MMP9: variants seen among roughly 807,000 people sequenced by gnomAD.
The protein encoded by MMP9 is matrix metalloproteinase-9.
MMP9 carries 73 observed loss-of-function variants against 76.4 expected under a neutral mutation model. The ratio of observed to expected loss-of-function variants is 0.96; its 90% CI spans 0.79 to 1.16. MMP9 has a LOEUF of 1.16. MMP9 is among the 50% of genes most tolerant of loss of function. MMP9 has a pLI of 0.00. For missense variants in MMP9, 943 were observed against 973.0 expected, an observed-to-expected ratio of 0.97 and a Z score of 0.41; for synonymous variants, 412 against 408.4, an observed-to-expected ratio of 1.01 and a Z score of -0.11.
At chr20:46,009,147 G>A in intron 1 of MMP9, 83 bp downstream of exon 1, 5 of 1,466,736 alleles carry the variant, frequency 3.4e-6, no homozygotes, top group Non-Finnish European at 4.7e-6. Flanking sequence ...GGCCTCAGAG[G>A]AGATGCTTTA....
At position 46,011,022 on chromosome 20, in the gene MMP9, C is replaced by T. The variant is rs763513559; in HGVS notation, c.621C>T (p.Asp207=). 2 of 1,610,396 alleles carry T rather than the reference C, an allele frequency of 1.2e-6. No individual in the cohort carries two copies. The highest frequency in any genetic ancestry group is 1.7e-5 in the Admixed American group (1 of 59,858). ...AGGGAGACGCCCATTTCGACGATGA[C>T]GAGTTGTGGTCCCTGGGCAAGGGCG... ...GIQGDAHFDD[D]ELWSLGKGVV... is the part of the protein sequence containing the mutation. The change falls in exon 4 of 13, where the codon GAC becomes GAT. Residue 207 remains aspartate, a synonymous_variant. Coordinates refer to ENST00000372330, the MANE Select transcript of MMP9 (RefSeq NM_004994.3).
In MMP9 at chr20:46,009,950, C is replaced by T; in HGVS notation, c.223C>T (p.Gln75Ter). 1 of 1,552,132 alleles carries T rather than the reference C, an allele frequency of 6.4e-7. No homozygotes were observed. Among genetic ancestry groups the T allele is most frequent in the South Asian group, 1.2e-5 (1 of 84,096 alleles). Residue 75 changes from glutamine to a stop codon, truncating the protein, a stop_gained, in exon 2 of 13, where the codon CAG (glutamine) becomes TAG (stop). Transcript: ENST00000372330. LOFTEE classifies it high-confidence loss of function. ...KSLGPALLLLQKQLSLPETGE... is the reference protein window; with the variant it reads ...KSLGPALLLL Reference sequence around the variant, plus strand: ...TCTGGGGCCTGCGCTGCTGCTTCTCCAGAAGCAACTGTCCCTGCCCGAGAC... The same window carrying T: ...TCTGGGGCCTGCGCTGCTGCTTCTCTAGAAGCAACTGTCCCTGCCCGAGAC...
At chr20:46,014,517 C>T (rs1217134247) in intron 12 of MMP9, 43 bp downstream of exon 12, 5 of 1,498,576 alleles carry the variant, frequency 3.3e-6, no homozygotes, top group Non-Finnish European at 4.5e-6. Context: ...CCACACTAAG[C>T]TCCTCTTAGT....
In MMP9 at chr20:46,016,244, C is replaced by T. The variant is rs1275857520; in HGVS notation, c.2006-6C>T. On this transcript the variant is annotated splice_region_variant and splice_polypyrimidine_tract_variant and intron_variant, in intron 12 of 12. Transcript: ENST00000372330. ...CACTCCTCTTATGCCTGCCTGTCTC[C>T]TGCAGAGAAAGCCTATTTCTGCCAG... 1 of 1,612,950 alleles carries T rather than the reference C, an allele frequency of 6.2e-7. No individual in the cohort carries two copies. The highest frequency in any genetic ancestry group is 8.5e-7 in the Non-Finnish European group (1 of 1,178,878).
Position 46,009,909 on chromosome 20 carries a change from G to C in MMP9, c.182G>C (p.Arg61Pro), listed in dbSNP as rs201069991. 2.6e-6 allele frequency: 4 copies of C among 1,552,170 alleles called. No homozygotes were observed. The Admixed American group carries it at 7.8e-5, about 30-fold the overall frequency. Residue 61 changes from arginine to proline, a missense_variant, in exon 2 of 13, where the codon CGT (arginine) becomes CCT (proline). Physicochemically the swap from Arg to Pro is moderately radical, Grantham distance 103. Coordinates refer to ENST00000372330, the MANE Select transcript of MMP9 (RefSeq NM_004994.3). ...RYGYTRVAEM[R>P]GESKSLGPAL... The stretch of plus-strand genomic sequence containing the variant: ...GGTTACACTCGGGTGGCAGAGATGC[G>C]TGGAGAGTCGAAATCTCTGGGGCCT...
chr20:46,008,965 G>T lies in MMP9; in HGVS notation c.39G>T (p.Val13=), dbSNP rs200142137. 10 of 1,613,878 alleles carry T rather than the reference G, an allele frequency of 6.2e-6. No individual in the cohort carries two copies. The highest frequency in any genetic ancestry group is 6.8e-6 in the Non-Finnish European group (8 of 1,179,980). ...AGCCCCTGGTCCTGGTGCTCCTGGT[G>T]CTGGGCTGCTGCTTTGCTGCCCCCA... is the stretch of plus-strand genomic sequence containing the variant. ...LWQPLVLVLL[V]LGCCFAAPRQ... The change falls in exon 1 of 13, where the codon GTG becomes GTT. Residue 13 remains valine, a synonymous_variant. Coordinates refer to ENST00000372330, the MANE Select transcript of MMP9 (RefSeq NM_004994.3).
intron 7 of MMP9, 49 bp downstream of exon 7, chr20:46,012,362 T>C (rs1173898580): frequency 6.2e-7 from 1 of 1,612,646 alleles, no homozygotes; most frequent in Non-Finnish European, 8.5e-7. Flanking sequence ...GCAGTGGTGG[T>C]GGTGGGGTGG....
Position 46,012,185 on chromosome 20 carries a change from T to A in MMP9, c.1046T>A (p.Phe349Tyr). The A allele has an allele frequency of 1.2e-6, 2 of 1,614,092 alleles. No individual in the cohort carries two copies. Among genetic ancestry groups the A allele is most frequent in the Non-Finnish European group, 1.7e-6 (2 of 1,180,034 alleles). The part of the protein sequence containing the change: ...GGNSAGELCV[F>Y]PFTFLGKEYS... ...AACTCGGCGGGGGAGCTGTGCGTCTTCCCCTTCACTTTCCTGGGTAAGGAG... is the reference window on the plus strand; with the variant it reads ...AACTCGGCGGGGGAGCTGTGCGTCTACCCCTTCACTTTCCTGGGTAAGGAG... Residue 349 changes from phenylalanine to tyrosine, a missense_variant, in exon 7 of 13, where the codon TTC becomes TAC. By Grantham distance (22) the Phe-to-Tyr change is conservative. Coordinates refer to ENST00000372330, the MANE Select transcript of MMP9 (RefSeq NM_004994.3).
At position 46,013,791 on chromosome 20, in the gene MMP9, T is replaced by TCTC. The variant is rs758597128; in HGVS notation, c.1746_1748dup (p.Ser583dup). ...CGGCTCTCCAAGAAGCTTTTCTTCT[T>TCTC]CTCTGGTTAGTTACCTACTTTCCCT... On this transcript the variant is annotated inframe_insertion, in exon 10 of 13. Coordinates refer to ENST00000372330, the MANE Select transcript of MMP9 (RefSeq NM_004994.3). The surrounding 1 kb of genome is among the most constrained non-coding windows in gnomAD (Gnocchi z 4.5). 1 of 1,612,722 alleles carries TCTC rather than the reference T, an allele frequency of 6.2e-7. No individual in the cohort carries two copies. Among genetic ancestry groups the TCTC allele is most frequent in the East Asian group, 2.2e-5 (1 of 44,852 alleles).
chr20:46,011,824 C>A, intron 6 of MMP9, 77 bp downstream of exon 6: 1 of 1,512,004 alleles, frequency 6.6e-7, no homozygotes, highest in Non-Finnish European at 8.9e-7. Context: ...CTCTTCCCTC[C>A]CATCAGTTTG....
intron 8 of MMP9, among the ~76,000 whole-genome samples, chr20:46,012,863 G>A (rs1044497459): frequency 2.6e-5 from 4 of 152,232 alleles, no homozygotes; most frequent in African/African-American, 9.6e-5. Flanking sequence ...GAGACCCAAG[G>A]CGGGAGGATT....
At position 46,014,423 on chromosome 20, in the gene MMP9, C is replaced by T. The variant is rs199533749; in HGVS notation, c.1954C>T (p.Arg652Trp). 30 of 1,550,366 alleles carry T rather than the reference C, an allele frequency of 1.9e-5. No homozygotes were observed. The highest frequency in any genetic ancestry group is 2.5e-5 in the Non-Finnish European group (29 of 1,146,976). Residue 652 changes from arginine to tryptophan, a missense_variant, in exon 12 of 13, where the codon CGG becomes TGG. Coordinates refer to ENST00000372330, the MANE Select transcript of MMP9 (RefSeq NM_004994.3). Reference sequence around the variant, plus strand: ...TCCCCGGAGCGCCAGCGAGGTGGACCGGATGTTCCCCGGGGTGCCTTTGGA... The same window carrying T: ...TCCCCGGAGCGCCAGCGAGGTGGACTGGATGTTCCCCGGGGTGCCTTTGGA... ...VDPRSASEVDRMFPGVPLDTH... is the reference protein window; with the variant it reads ...VDPRSASEVDWMFPGVPLDTH...
intron 12 of MMP9, 133 bp from the exon 13 acceptor site, chr20:46,016,117 G>T: frequency 2.3e-6 from 2 of 870,034 alleles, no homozygotes; most frequent in Admixed American, 1.8e-5. Flanking sequence ...AGGTTGGGGG[G>T]ATGGAGGTGA....
intron 6 of MMP9, 130 bp downstream of exon 6, chr20:46,011,877 C>G: frequency 8.6e-7 from 1 of 1,160,232 alleles, no homozygotes; most frequent in Non-Finnish European, 1.2e-6. Flanking sequence ...GTGACTCCGC[C>G]CACCTACACC....
Position 46,011,300 on chromosome 20 carries a change from C to T in MMP9, c.807C>T (p.Gly269=). 1 of 1,606,076 alleles carries T rather than the reference C, an allele frequency of 6.2e-7. No individual in the cohort carries two copies. Among genetic ancestry groups the T allele is most frequent in the East Asian group, 2.2e-5 (1 of 44,750 alleles). Residue 269 remains glycine, a synonymous_variant, in exon 5 of 13, where the codon GGC becomes GGT. Coordinates refer to ENST00000372330, the MANE Select transcript of MMP9 (RefSeq NM_004994.3). The part of the protein sequence containing the change: ...TANYDTDDRF[G]FCPSERLYTQ... ...ACTACGACACCGACGACCGGTTTGGCTTCTGCCCCAGCGAGAGTGAGTGAG... is the reference window on the plus strand; with the variant it reads ...ACTACGACACCGACGACCGGTTTGGTTTCTGCCCCAGCGAGAGTGAGTGAG...
At chr20:46,010,836 C>T in intron 3 of MMP9, 86 bp from the exon 4 acceptor site, 7 of 1,610,386 alleles carry the variant, frequency 4.3e-6, no homozygotes, top group Non-Finnish European at 5.9e-6. Context: ...TCAGCCCGCA[C>T]TTATTTCGGA....
intron 1 of MMP9, 23 bp from the exon 2 acceptor site, chr20:46,009,841 CAT>C (rs1308407717): frequency 4.5e-6 from 7 of 1,543,274 alleles, no homozygotes; most frequent in Non-Finnish European, 6.1e-6. Context: ...AGAGATCTGG[CAT>C]GTGTGTGTCC....
chr20:46,011,602 T>C lies in MMP9; in HGVS notation c.852T>C (p.Asp284=). Residue 284 remains aspartate, a synonymous_variant, in exon 6 of 13, where the codon GAT becomes GAC. Transcript: ENST00000372330. ...TCTACACCCAGGACGGCAATGCTGA[T>C]GGGAAACCCTGCCAGTTTCCATTCA... ...ERLYTQDGNA[D]GKPCQFPFIF... 1 of 1,613,684 alleles carries C rather than the reference T, an allele frequency of 6.2e-7. No homozygotes were observed. The highest frequency in any genetic ancestry group is 2.2e-5 in the East Asian group (1 of 44,816).
In MMP9 at chr20:46,014,453, C is replaced by G. The variant is rs1319874415; in HGVS notation, c.1984C>G (p.His662Asp). 1 of 1,550,532 alleles carries G rather than the reference C, an allele frequency of 6.4e-7. No individual in the cohort carries two copies. Among genetic ancestry groups the G allele is most frequent in the East Asian group, 2.4e-5 (1 of 40,924 alleles). The change falls in exon 12 of 13, where the codon CAC (histidine) becomes GAC (aspartate). Residue 662 changes from histidine to aspartate, a missense_variant. His to Asp is a moderately conservative substitution (Grantham distance 81). Coordinates refer to ENST00000372330, the MANE Select transcript of MMP9 (RefSeq NM_004994.3). ...GTTCCCCGGGGTGCCTTTGGACACG[C>G]ACGACGTCTTCCAGTACCGAGGTGA... ...RMFPGVPLDT[H>D]DVFQYREKAY...
Sources: allele counts gnomAD v4.1 joint callset (sites outside exome capture counted in the v4.1 genomes callset), GRCh38; gene constraint gnomAD v4.1.1; non-coding constraint Gnocchi (gnomAD v3.1); transcripts MANE v1.5; gene names NCBI Gene and HGNC (gene_info 2026-07-23, HGNC 2026-07-21).